SH3RF2: variants seen among roughly 807,000 people sequenced by gnomAD.
The protein encoded by SH3RF2 is SH3 domain containing ring finger 2.
In SH3RF2, 43 loss-of-function variants were observed where a neutral mutation model predicts 59.0. The ratio of observed to expected loss-of-function variants is 0.73; its 90% confidence interval spans 0.57 to 0.94. The LOEUF (loss-of-function observed/expected upper bound fraction) is 0.94. Ranked by LOEUF, SH3RF2 falls within the 40% of genes least tolerant of loss-of-function variation. The probability of loss-of-function intolerance (pLI) is 0.00; values close to 1 mark genes in which losing one functional copy is unlikely to be tolerated. For synonymous variants in SH3RF2, 391 were observed against 391.5 expected, an observed-to-expected ratio of 1.00 and a Z score of 0.01; for missense variants, 930 against 940.1, an observed-to-expected ratio of 0.99 and a Z score of 0.14.
downstream of SH3RF2, among the ~76,000 whole-genome samples, chr5:146,064,856 GAAAGAAAGAGAA>G (rs1215273528): frequency 1.6e-3 from 39 of 24,642 alleles, 3 homozygotes; most frequent in African/African-American, 2.4e-3. Context: ...AAGAAAGAAA[GAAAGAAAGAGAA>G]AGAAAAAGAA....
intron 2 of SH3RF2, among the ~76,000 whole-genome samples, chr5:145,963,387 G>T (rs896627433): frequency 6.6e-6 from 1 of 152,122 alleles, no homozygotes; most frequent in Non-Finnish European, 1.5e-5. Flanking sequence ...AGGATCTCTT[G>T]TGCCCAGGGT....
chr5:146,040,750 G>A (rs1050295842), intron 5 of SH3RF2, among the ~76,000 whole-genome samples: 8 of 152,268 alleles, frequency 5.3e-5, no homozygotes, highest in African/African-American at 1.7e-4. Flanking sequence ...ATAGCTCTGG[G>A]TGGCTGCTCC....
exon 10 of SH3RF2, chr5:146,079,177 G>A (rs974187176): frequency 6.6e-6 from 1 of 152,104 alleles, no homozygotes; most frequent in African/African-American, 2.4e-5. Context: ...TGCTTACAAA[G>A]AGGCTATTTC....
chr5:145,942,026 T>C (rs1757835442), intron 2 of SH3RF2, among the ~76,000 whole-genome samples: 1 of 152,186 alleles, frequency 6.6e-6, no homozygotes, highest in East Asian at 1.9e-4. Context: ...TTTGTTTGCC[T>C]CCACATGATC....
In SH3RF2 at chr5:145,958,706, C is replaced by G. The variant is rs554320083; in HGVS notation, c.378+20400C>G. Among the ~76,000 whole-genome samples the G allele has an allele frequency of 6.6e-5, 10 of 152,288 alleles. 1 individual carries two copies. The highest frequency in any genetic ancestry group is 2.2e-4 in the African/African-American group (9 of 41,546). The stretch of plus-strand genomic sequence containing the variant: ...GTTTGCAAGGAACACACACAAGGAC[C>G]AAACTCCAGGTTTCCTGACTCTCGG... On this transcript the variant is annotated intron_variant, in intron 2 of 9. Coordinates refer to ENST00000359120, the MANE Select transcript of SH3RF2 (RefSeq NM_152550.4).
intron 4 of SH3RF2, among the ~76,000 whole-genome samples, chr5:146,012,533 A>G (rs969575632): frequency 2.6e-5 from 4 of 152,100 alleles, no homozygotes; most frequent in African/African-American, 9.7e-5. Context: ...TATTGCCTCA[A>G]TTTCAGAGCC....
At chr5:146,024,411 A>C (rs967951215) in intron 5 of SH3RF2, among the ~76,000 whole-genome samples, 1 of 152,118 alleles carries the variant, frequency 6.6e-6, no homozygotes, top group African/African-American at 2.4e-5. Context: ...CCATTTTATC[A>C]TCGGGTTTCC....
intron 2 of SH3RF2, among the ~76,000 whole-genome samples, chr5:145,970,420 A>G (rs931588859): frequency 2.0e-5 from 3 of 151,688 alleles, no homozygotes; most frequent in African/African-American, 4.8e-5. Flanking sequence ...AGGGTCTCCA[A>G]CTCCATCCAG....
downstream of SH3RF2, among the ~76,000 whole-genome samples, chr5:146,066,871 G>A (rs973099766): frequency 6.6e-6 from 1 of 152,166 alleles, no homozygotes; most frequent in African/African-American, 2.4e-5. Flanking sequence ...ACAGTACCTA[G>A]GAAGAGTGCC....
Position 145,967,573 on chromosome 5 carries a change from C to G in SH3RF2, c.378+29267C>G, listed in dbSNP as rs537419266. Among the ~76,000 whole-genome samples, 19 of 152,332 alleles carry G rather than the reference C, an allele frequency of 1.2e-4. 1 individual carries two copies. The East Asian group carries it at 2.9e-3, about 23-fold the overall frequency. On this transcript the variant is annotated intron_variant, in intron 2 of 9. Coordinates refer to ENST00000359120, the MANE Select transcript of SH3RF2 (RefSeq NM_152550.4). ...CCTAATGCTTGGTGCAGGTTCTTGA[C>G]CACAACGTGGGACTGTCTCTATCTT...
Position 146,062,804 on chromosome 5 carries a change from G to C in SH3RF2, c.*103G>C, listed in dbSNP as rs555851396. 10 of 1,460,210 alleles carry C rather than the reference G, an allele frequency of 6.8e-6. No individual in the cohort carries two copies. The highest frequency in any genetic ancestry group is 2.4e-4 in the Middle Eastern group (1 of 4,186). 90.5% of individuals were successfully genotyped at this position (1,460,210 alleles called of 1,614,324 possible). A position where few individuals can be genotyped will look rare whatever the true frequency, so the allele number is the denominator to read the frequency against. On this transcript the variant is annotated 3_prime_UTR_variant, in exon 10 of 10. Transcript: ENST00000359120. ...GCCATTCTTTGGGGACTTGAGCATGGGTCCTTGTTCTTCCTATTTCACCTC... is the reference window on the plus strand; with the variant it reads ...GCCATTCTTTGGGGACTTGAGCATGCGTCCTTGTTCTTCCTATTTCACCTC...
Position 146,060,117 on chromosome 5 carries a change from G to C in SH3RF2, c.1807G>C (p.Glu603Gln). 6.2e-7 allele frequency: 1 copy of C among 1,614,070 alleles called. No individual in the cohort carries two copies. The highest frequency in any genetic ancestry group is 8.5e-7 in the Non-Finnish European group (1 of 1,179,992). Reference sequence around the variant, plus strand: ...CTCCGCGGCCAGCTCCCTCATTATGGAAGACAAAGAAATCCCCATCAAGAG... The same window carrying C: ...CTCCGCGGCCAGCTCCCTCATTATGCAAGACAAAGAAATCCCCATCAAGAG... ...IHSAASSLIM[E>Q]DKEIPIKSEP... The change falls in exon 9 of 10, where the codon GAA becomes CAA. Residue 603 changes from glutamate (E) to glutamine (Q), a missense_variant. Coordinates refer to ENST00000359120, the MANE Select transcript of SH3RF2 (RefSeq NM_152550.4).
rs1037953504 is a variant in SH3RF2 at position 145,938,020 on chromosome 5, C to A, written c.92C>A (p.Thr31Asn). 1 of 1,614,120 alleles carries A rather than the reference C, an allele frequency of 6.2e-7. No individual in the cohort carries two copies. The highest frequency in any genetic ancestry group is 2.2e-5 in the East Asian group (1 of 44,898). ...GCCAAAGTCCTCCCTTGCCAGCACA[C>A]CTTCTGCAAACCATGTCTACAGAGG... ...VTAKVLPCQH[T>N]FCKPCLQRVF... Residue 31 changes from threonine (T) to asparagine (N), a missense_variant, in exon 2 of 10, where the codon ACC becomes AAC. Transcript: ENST00000359120.
intron 7 of SH3RF2, among the ~76,000 whole-genome samples, chr5:146,053,506 C>G (rs1291324305): frequency 6.6e-6 from 1 of 152,044 alleles, no homozygotes; most frequent in Non-Finnish European, 1.5e-5. Flanking sequence ...AGCTAAGGGT[C>G]AGTCTCAGCC....
At chr5:145,994,042 T>G (rs1760054259) in intron 2 of SH3RF2, among the ~76,000 whole-genome samples, 1 of 152,202 alleles carries the variant, frequency 6.6e-6, no homozygotes, top group Non-Finnish European at 1.5e-5. Flanking sequence ...TAGAAATTTC[T>G]TCCACCAGAT....
intron 3 of SH3RF2, among the ~76,000 whole-genome samples, chr5:146,001,309 T>C (rs1322576573): frequency 6.6e-6 from 1 of 152,220 alleles, no homozygotes; most frequent in Non-Finnish European, 1.5e-5. Flanking sequence ...AATGTAAGTA[T>C]AAAAAGTGGC....
Position 146,060,219 on chromosome 5 carries a change from G to T in SH3RF2, c.1909G>T (p.Glu637Ter), listed in dbSNP as rs139001155. The stretch of plus-strand genomic sequence containing the variant: ...ACCAGAAAACTCAAGAAATGGCATC[G>T]AAAAGGTAGGATCAGAGTGACATTG... ...VKPENSRNGI[E>*]KQVKTVRFQN... The change falls in exon 9 of 10, where the codon GAA (glutamate) becomes TAA (stop). Residue 637 changes from glutamate (E) to a stop codon, truncating the protein, a stop_gained. Coordinates refer to ENST00000359120, the MANE Select transcript of SH3RF2 (RefSeq NM_152550.4). LOFTEE classifies it high-confidence loss of function. 9 of 1,603,628 alleles carry T rather than the reference G, an allele frequency of 5.6e-6. No individual in the cohort carries two copies. Among genetic ancestry groups the T allele is most frequent in the Non-Finnish European group, 7.7e-6 (9 of 1,174,544 alleles).
intron 2 of SH3RF2, among the ~76,000 whole-genome samples, chr5:145,974,080 CT>C (rs2149963986): frequency 6.6e-6 from 1 of 152,262 alleles, no homozygotes; most frequent in South Asian, 2.1e-4. Context: ...CACTTCCAGG[CT>C]TGCTCAGGTT....
intron 2 of SH3RF2, among the ~76,000 whole-genome samples, chr5:145,992,438 A>G (rs1247047518): frequency 6.6e-6 from 1 of 152,094 alleles, no homozygotes; most frequent in East Asian, 1.9e-4. Flanking sequence ...TAAATTCATT[A>G]TTTTCTAGCT....
Sources: gnomAD v4.1 joint callset for allele counts (sites outside exome capture counted in the v4.1 genomes callset) on GRCh38, gnomAD v4.1.1 for gene constraint, MANE v1.5 for transcripts, NCBI Gene and HGNC (gene_info 2026-07-23, HGNC 2026-07-21) for gene names.